Variants in CDH23 observed in about 807,000 individuals in gnomAD.
CDH23 encodes the protein cadherin related 23, also known as cadherin-23.
A neutral mutation model predicts 317.1 loss-of-function variants in CDH23; 189 were observed. The observed-to-expected ratio is 0.60, with a 90% confidence interval of 0.53 to 0.67. CDH23 has a LOEUF of 0.67. CDH23 is among the 30% of genes least tolerant of loss of function. The probability of loss-of-function intolerance (pLI) is 0.00; values close to 1 mark genes in which losing one functional copy is unlikely to be tolerated. For synonymous variants in CDH23, 1,839 were observed against 1,876.8 expected, an observed-to-expected ratio of 0.98 and a Z score of 0.52; for missense variants, 4,401 against 4,592.4, an observed-to-expected ratio of 0.96 and a Z score of 1.20.
intron 6 of CDH23, among the ~76,000 whole-genome samples, chr10:71,525,403 G>A (rs1215984542): frequency 6.6e-6 from 1 of 152,228 alleles, no homozygotes; most frequent in East Asian, 1.9e-4. Flanking sequence ...GCACCCCCAG[G>A]CTCTACCTGC....
chr10:71,616,794 C>T (rs1187312023), intron 10 of CDH23, among the ~76,000 whole-genome samples: 1 of 152,232 alleles, frequency 6.6e-6, no homozygotes, highest in African/African-American at 2.4e-5. Flanking sequence ...AGCAGATGCT[C>T]AGTTAAGTCT....
chr10:71,735,992 T>C (rs762537402), intron 34 of CDH23, among the ~76,000 whole-genome samples: 2 of 152,196 alleles, frequency 1.3e-5, no homozygotes, highest in Non-Finnish European at 2.9e-5. Flanking sequence ...TCTTCATTCA[T>C]ACAATGGGCC....
chr10:71,568,844 C>T (rs1857570856), intron 7 of CDH23, among the ~76,000 whole-genome samples: 1 of 152,224 alleles, frequency 6.6e-6, no homozygotes, highest in South Asian at 2.1e-4. Context: ...GACAGGATCA[C>T]TCCCCTTTCC....
intron 38 of CDH23, among the ~76,000 whole-genome samples, chr10:71,774,585 G>A (rs1351131126): frequency 6.6e-6 from 1 of 152,252 alleles, no homozygotes; most frequent in Non-Finnish European, 1.5e-5. Flanking sequence ...GCTGGGCGTG[G>A]AGAAGGTTTT....
intron 38 of CDH23, among the ~76,000 whole-genome samples, chr10:71,769,796 T>C (rs1264267314): frequency 1.3e-5 from 2 of 152,222 alleles, no homozygotes; most frequent in South Asian, 2.1e-4. Flanking sequence ...AACCTCATTA[T>C]TGGATTACTG....
At chr10:71,558,101 G>A (rs568558338) in intron 6 of CDH23, among the ~76,000 whole-genome samples, 11 of 151,494 alleles carry the variant, frequency 7.3e-5, no homozygotes, top group Admixed American at 3.3e-4. Context: ...GGGTTCAAGC[G>A]TTTCTCCTGC....
intron 14 of CDH23, among the ~76,000 whole-genome samples, chr10:71,672,820 T>A (rs943201535): frequency 1.3e-5 from 2 of 151,978 alleles, no homozygotes; most frequent in Admixed American, 6.6e-5. Flanking sequence ...CACATATCCT[T>A]CCCGTCCTGA....
chr10:71,639,410 A>G (rs912374819), intron 11 of CDH23, among the ~76,000 whole-genome samples: 7 of 152,190 alleles, frequency 4.6e-5, no homozygotes, highest in Non-Finnish European at 8.8e-5. Context: ...GCCCTCCACC[A>G]GTCCAGGCTT....
At chr10:71,642,996 G>A (rs1339198743) in intron 11 of CDH23, among the ~76,000 whole-genome samples, 2 of 152,252 alleles carry the variant, frequency 1.3e-5, no homozygotes, top group African/African-American at 4.8e-5. Context: ...GTGCTCTGCA[G>A]CCATTAAGGA....
At chr10:71,409,983 T>C (rs1334086652) in intron 1 of CDH23, among the ~76,000 whole-genome samples, 1 of 152,128 alleles carries the variant, frequency 6.6e-6, no homozygotes, top group East Asian at 1.9e-4. Flanking sequence ...AAACCCTAAA[T>C]GAGAGGAAGT....
At chr10:71,615,481 C>T in intron 9 of CDH23, 23 bp from the exon 10 acceptor site, 1 of 1,588,562 alleles carries the variant, frequency 6.3e-7, no homozygotes, top group Non-Finnish European at 8.6e-7. Context: ...CTGGTCACAC[C>T]TGAATGCTTC....
intron 1 of CDH23, among the ~76,000 whole-genome samples, chr10:71,424,665 T>TGTTCAGTCATTGATTCATGATTC (rs1205191526): frequency 6.6e-6 from 1 of 152,206 alleles, no homozygotes; most frequent in East Asian, 1.9e-4. Context: ...TCCTTTATTT[T>TGTTCAGTCATTGATTCATGATTC]GTTCAGTCAT....
chr10:71,633,604 T>G (rs1410266083), intron 11 of CDH23, among the ~76,000 whole-genome samples: 1 of 152,146 alleles, frequency 6.6e-6, no homozygotes, highest in South Asian at 2.1e-4. Flanking sequence ...ATGTCTTTGT[T>G]CACTGGGAAG....
chr10:71,706,771 A>T, intron 25 of CDH23, 126 bp from the exon 26 acceptor site: 1 of 1,450,524 alleles, frequency 6.9e-7, no homozygotes, highest in East Asian at 2.5e-5. Flanking sequence ...CACAGATGCC[A>T]CTTGGAGCCC....
At chr10:71,461,648 A>G (rs543088160) in intron 3 of CDH23, among the ~76,000 whole-genome samples, 3 of 152,360 alleles carry the variant, frequency 2.0e-5, no homozygotes, top group East Asian at 1.9e-4. Context: ...CTCACAGGAC[A>G]GCGCGGCCAC....
intron 3 of CDH23, among the ~76,000 whole-genome samples, chr10:71,486,924 T>C (rs1852383302): frequency 6.6e-6 from 1 of 152,148 alleles, no homozygotes; most frequent in African/African-American, 2.4e-5. Flanking sequence ...TGATCCCTGC[T>C]GAGCAAGAGA....
intron 38 of CDH23, among the ~76,000 whole-genome samples, chr10:71,744,909 G>A (rs181248744): frequency 1.3e-4 from 20 of 152,340 alleles, no homozygotes; most frequent in East Asian, 1.9e-4. Flanking sequence ...ATTTTAAGTC[G>A]AAAAGAATCC....
chr10:71,484,187 C>T lies in CDH23; in HGVS notation c.146-25895C>T, dbSNP rs537388399. The stretch of plus-strand genomic sequence containing the variant: ...GCCGCTCTTAAATATCTCTCCACGT[C>T]GTCCTCATTAATAACTGTAATGCCA... On this transcript the variant is annotated intron_variant, in intron 3 of 69. Coordinates refer to ENST00000224721, the MANE Select transcript of CDH23 (RefSeq NM_022124.6). 2.6e-4 allele frequency among the ~76,000 whole-genome samples: 39 copies of T among 152,312 alleles called. 1 individual carries two copies. The highest frequency in any genetic ancestry group is 4.3e-4 in the Non-Finnish European group (29 of 68,030).
chr10:71,479,156 C>T (rs1211786214), intron 3 of CDH23, among the ~76,000 whole-genome samples: 1 of 151,962 alleles, frequency 6.6e-6, no homozygotes, highest in African/African-American at 2.4e-5. Flanking sequence ...GCTCACACAG[C>T]AGGTAATTAA....
Sources: allele counts gnomAD v4.1 joint callset (sites outside exome capture counted in the v4.1 genomes callset), GRCh38; gene constraint gnomAD v4.1.1; transcripts MANE v1.5; gene names NCBI Gene and HGNC (gene_info 2026-07-23, HGNC 2026-07-21).